RNASE10: variants seen among roughly 807,000 people sequenced by gnomAD.
The protein encoded by RNASE10 is ribonuclease A family member 10 (inactive).
Under a neutral mutation model 1.1 loss-of-function variants are expected in RNASE10, and 2 were observed. The ratio of observed to expected loss-of-function variants is 1.82; its 90% CI spans 0.74 to 5.73. The LOEUF (loss-of-function observed/expected upper bound fraction) is 5.73, where lower values mean the gene tolerates loss of function less well. RNASE10 is among the 30% of genes most tolerant of loss of function. RNASE10 has a pLI of 0.05. For synonymous variants in RNASE10, 97 were observed against 96.2 expected, an observed-to-expected ratio of 1.01 and a Z score of -0.05; for missense variants, 276 against 263.4, an observed-to-expected ratio of 1.05 and a Z score of -0.33.
At chr14:20,510,746 G>C (rs553181975) in exon 2 of RNASE10, 53 of 1,614,168 alleles carry the variant, frequency 3.3e-5, no homozygotes, top group South Asian at 1.3e-4. Context: ...GATGAGGTTG[G>C]GGGTAACAAG....
At chr14:20,511,472 T>G (rs1411469752), downstream of RNASE10, among the ~76,000 whole-genome samples, 1 of 152,210 alleles carries the variant, frequency 6.6e-6, no homozygotes, top group Non-Finnish European at 1.5e-5. Context: ...TTACCCATGT[T>G]CTTCCCTGCT....
chr14:20,512,313 C>T (rs1316830738), downstream of RNASE10, among the ~76,000 whole-genome samples: 1 of 152,198 alleles, frequency 6.6e-6, no homozygotes, highest in Non-Finnish European at 1.5e-5. Flanking sequence ...ATGCAAGTGG[C>T]TGCCCTCAGC....
intron 1 of RNASE10, among the ~76,000 whole-genome samples, chr14:20,506,298 T>A (rs1882713794): frequency 9.9e-6 from 1 of 100,990 alleles, no homozygotes; most frequent in African/African-American, 4.3e-5. Context: ...AGCCGCCCCG[T>A]CCGGGAGGGA....
chr14:20,507,615 AAAAT>A lies in RNASE10; in HGVS notation c.79+1616_79+1619del, dbSNP rs942237541. Reference sequence around the variant, plus strand: ...AAACACCCAAGAATGATCAATTAAAAAAATAAATAAATAAATAAATAAAATTTTC... The same window carrying A: ...AAACACCCAAGAATGATCAATTAAAAAAATAAATAAATAAATAAAATTTTC... On this transcript the variant is annotated intron_variant, in intron 1 of 1. Coordinates refer to ENST00000430083, the Ensembl canonical transcript of RNASE10. Among the ~76,000 whole-genome samples, 9 of 125,086 alleles carry A rather than the reference AAAAT, an allele frequency of 7.2e-5. No individual in the cohort carries two copies. The East Asian group carries it at 7.9e-4, about 11-fold the overall frequency. 82.1% of individuals were successfully genotyped at this position (125,086 alleles called of 152,430 possible). A position where few individuals can be genotyped will look rare whatever the true frequency, so the allele number is the denominator to read the frequency against.
At chr14:20,510,815 C>T in exon 2 of RNASE10, 6 of 1,614,158 alleles carry the variant, frequency 3.7e-6, no homozygotes, top group Non-Finnish European at 5.1e-6. Context: ...CTTGACCAGA[C>T]AGATAGAGAA....
chr14:20,504,926 C>T (rs1189269854), upstream of RNASE10, among the ~76,000 whole-genome samples: 2 of 152,014 alleles, frequency 1.3e-5, no homozygotes, highest in South Asian at 2.1e-4. Flanking sequence ...CCCCGCCACA[C>T]GTACACACCA....
chr14:20,512,884 G>T (rs1882931531), downstream of RNASE10, among the ~76,000 whole-genome samples: 1 of 152,094 alleles, frequency 6.6e-6, no homozygotes, highest in Admixed American at 6.6e-5. Context: ...TAAGGTAAGG[G>T]GGAAAAAATG....
At chr14:20,512,373 G>T (rs1882919237), downstream of RNASE10, among the ~76,000 whole-genome samples, 1 of 152,132 alleles carries the variant, frequency 6.6e-6, no homozygotes, top group Non-Finnish European at 1.5e-5. Context: ...TCATGCATAG[G>T]GAGAAGAGGA....
At chr14:20,504,549 G>A (rs977847168), upstream of RNASE10, among the ~76,000 whole-genome samples, 6 of 150,906 alleles carry the variant, frequency 4.0e-5, no homozygotes, top group Non-Finnish European at 8.9e-5. Context: ...TTAGCCGGGC[G>A]CGGTGGCGGG....
downstream of RNASE10, among the ~76,000 whole-genome samples, chr14:20,513,107 C>CCA (rs796598919): frequency 4.5e-4 from 68 of 152,288 alleles, no homozygotes; most frequent in South Asian, 8.7e-3. Flanking sequence ...CAGCTTCCGT[C>CCA]CAGCTTCTCT....
downstream of RNASE10, among the ~76,000 whole-genome samples, chr14:20,511,551 C>A (rs567790024): frequency 1.3e-5 from 2 of 152,232 alleles, no homozygotes; most frequent in African/African-American, 2.4e-5. Flanking sequence ...TTCTCTATTG[C>A]GGATGAAGTT....
downstream of RNASE10, among the ~76,000 whole-genome samples, chr14:20,512,659 T>C (rs58988374): frequency 0.023 from 3,578 of 152,328 alleles, 135 homozygotes; most frequent in African/African-American, 0.08. Flanking sequence ...ATATCCCTTA[T>C]ACCTCTGACT....
At chr14:20,510,505 T>C (rs762365741) in exon 2 of RNASE10, 5 of 1,612,468 alleles carry the variant, frequency 3.1e-6, no homozygotes, top group Non-Finnish European at 3.4e-6. Flanking sequence ...CTTTTTCATG[T>C]TGCTGATGCT....
rs567941994 is a variant in RNASE10 at position 20,509,591 on chromosome 14, G to C, written c.80-876G>C. ...AGCTTAGGAGTAAGAATGGACTGTG[G>C]TACTTTTTCTATTCCTTTTTATCTT... On this transcript the variant is annotated intron_variant, in intron 1 of 1. Coordinates refer to ENST00000430083, the Ensembl canonical transcript of RNASE10. Among the ~76,000 whole-genome samples, 75 of 152,258 alleles carry C rather than the reference G, an allele frequency of 4.9e-4. 2 individuals are homozygous for C. The South Asian group carries it at 0.015, about 31-fold the overall frequency.
At chr14:20,507,627 T>TAA (rs66799055) in intron 1 of RNASE10, among the ~76,000 whole-genome samples, 1 of 133,342 alleles carries the variant, frequency 7.5e-6, no homozygotes, top group African/African-American at 2.9e-5. Context: ...AATAAATAAA[T>TAA]AAATAAATAA....
rs947126825 is a variant in RNASE10 at position 20,507,562 on chromosome 14, A to G, written c.79+1543A>G. On this transcript the variant is annotated intron_variant, in intron 1 of 1. Transcript: ENST00000430083. Reference sequence around the variant, plus strand: ...CTGACCTTCCCTCCACTATTGTCCTATGACCCTGCCAAATCCCCCTCTGCG... The same window carrying G: ...CTGACCTTCCCTCCACTATTGTCCTGTGACCCTGCCAAATCCCCCTCTGCG... 5.9e-3 allele frequency among the ~76,000 whole-genome samples: 834 copies of G among 142,386 alleles called. 3 individuals carry two copies. Among genetic ancestry groups the G allele is most frequent in the Non-Finnish European group, 9.7e-3 (639 of 65,720 alleles). 93.4% of individuals were successfully genotyped at this position (142,386 alleles called of 152,430 possible). A position where few individuals can be genotyped will look rare whatever the true frequency, so the allele number is the denominator to read the frequency against.
At chr14:20,513,852 C>G (rs920720409), downstream of RNASE10, among the ~76,000 whole-genome samples, 2 of 152,092 alleles carry the variant, frequency 1.3e-5, no homozygotes, top group Non-Finnish European at 2.9e-5. Flanking sequence ...ATTTAATTAG[C>G]CTTAATTAAT....
exon 2 of RNASE10, chr14:20,510,533 T>C (rs1882869299): frequency 1.2e-6 from 2 of 1,614,060 alleles, no homozygotes; most frequent in Non-Finnish European, 1.7e-6. Context: ...GGCCTGGGGA[T>C]GGGCCTGGGG....
chr14:20,510,481 A>C, exon 2 of RNASE10: 1 of 1,605,988 alleles, frequency 6.2e-7, no homozygotes, highest in Non-Finnish European at 8.5e-7. Flanking sequence ...AATGAAGCTG[A>C]ATCTGGTGCA....
Sources: allele counts gnomAD v4.1 joint callset (sites outside exome capture counted in the v4.1 genomes callset), GRCh38; gene constraint gnomAD v4.1.1; transcripts MANE v1.5; gene names NCBI Gene and HGNC (gene_info 2026-07-23, HGNC 2026-07-21).